PIK3C2G: variants seen among roughly 807,000 people sequenced by gnomAD.
PIK3C2G encodes phosphatidylinositol-4-phosphate 3-kinase catalytic subunit type 2 gamma.
Under a neutral mutation model 181.1 loss-of-function variants are expected in PIK3C2G, and 168 were observed. The observed-to-expected ratio is 0.93, with a 90% confidence interval of 0.82 to 1.05. The LOEUF is 1.05. Among genes scored for constraint, PIK3C2G ranks in the 50% least tolerant of loss-of-function variants. PIK3C2G has a pLI of 0.00. For synonymous variants in PIK3C2G, 573 were observed against 592.2 expected, an observed-to-expected ratio of 0.97 and a Z score of 0.47; for missense variants, 1,869 against 1,732.8, an observed-to-expected ratio of 1.08 and a Z score of -1.40.
intron 18 of PIK3C2G, among the ~76,000 whole-genome samples, chr12:18,477,904 C>T (rs370939340): frequency 7.2e-5 from 11 of 152,010 alleles, no homozygotes; most frequent in East Asian, 3.9e-4. Flanking sequence ...TTGTTCACTG[C>T]GCAATATGAT....
chr12:18,349,359 A>T (rs145779169), intron 11 of PIK3C2G, among the ~76,000 whole-genome samples: 11 of 152,262 alleles, frequency 7.2e-5, no homozygotes, highest in African/African-American at 2.4e-4. Flanking sequence ...GCTTTAGTCA[A>T]AAGGACCATA....
chr12:18,415,974 G>T (rs574930486), intron 16 of PIK3C2G, among the ~76,000 whole-genome samples: 2 of 152,178 alleles, frequency 1.3e-5, no homozygotes, highest in South Asian at 4.1e-4. Flanking sequence ...CCGGGCGGGC[G>T]CAGTGGCTTA....
At chr12:18,335,858 G>A (rs775403123) in intron 8 of PIK3C2G, among the ~76,000 whole-genome samples, 15 of 152,068 alleles carry the variant, frequency 9.9e-5, no homozygotes, top group African/African-American at 1.9e-4. Context: ...GATCACATAA[G>A]AAGTACTGCA....
chr12:18,337,120 T>C (rs911765532), intron 8 of PIK3C2G, among the ~76,000 whole-genome samples: 1 of 152,110 alleles, frequency 6.6e-6, no homozygotes, highest in Non-Finnish European at 1.5e-5. Context: ...CTGATGTTTT[T>C]TGAAAAACCA....
intron 18 of PIK3C2G, among the ~76,000 whole-genome samples, chr12:18,441,405 T>C (rs1207203161): frequency 6.6e-6 from 1 of 152,144 alleles, no homozygotes; most frequent in Non-Finnish European, 1.5e-5. Context: ...GCTTCTTTGC[T>C]TTTACAATAG....
the PIK3C2G span, among the ~76,000 whole-genome samples, chr12:18,660,330 T>C: frequency 1.3e-5 from 2 of 152,138 alleles, no homozygotes; most frequent in Non-Finnish European, 2.9e-5. Context: ...ATCTGATTGA[T>C]GCTCTGATCA....
chr12:18,378,876 G>A (rs1280812349), intron 13 of PIK3C2G, among the ~76,000 whole-genome samples: 2 of 152,178 alleles, frequency 1.3e-5, no homozygotes, highest in Admixed American at 6.5e-5. Context: ...AGGTGCTGGA[G>A]AGGAAGTGGA....
At chr12:18,341,993 G>A (rs755403767) in intron 9 of PIK3C2G, among the ~76,000 whole-genome samples, 87 of 152,138 alleles carry the variant, frequency 5.7e-4, no homozygotes, top group Non-Finnish European at 9.1e-4. Context: ...GAAACAATTT[G>A]CATCCTTCAA....
At chr12:18,645,811 T>C (rs568365951) in intron 32 of PIK3C2G, among the ~76,000 whole-genome samples, 1 of 152,176 alleles carries the variant, frequency 6.6e-6, no homozygotes. Context: ...TATTGATATG[T>C]TTTTTAAAAA....
chr12:18,663,605 C>T, the PIK3C2G span, among the ~76,000 whole-genome samples: 1 of 151,710 alleles, frequency 6.6e-6, no homozygotes, highest in African/African-American at 2.4e-5. Context: ...TAAAATATAT[C>T]CAGTACCTAA....
the PIK3C2G span, among the ~76,000 whole-genome samples, chr12:18,661,528 G>A: frequency 6.6e-6 from 1 of 151,986 alleles, no homozygotes; most frequent in African/African-American, 2.4e-5. Flanking sequence ...ATAAATAAGG[G>A]ATAAACAAGA....
chr12:18,544,425 A>T (rs1198056260), intron 25 of PIK3C2G, among the ~76,000 whole-genome samples: 1 of 151,868 alleles, frequency 6.6e-6, no homozygotes, highest in African/African-American at 2.4e-5. Flanking sequence ...ATGTAATTAA[A>T]GAGATAAGGA....
chr12:18,552,845 T>G (rs999760069), intron 26 of PIK3C2G, among the ~76,000 whole-genome samples: 4 of 152,132 alleles, frequency 2.6e-5, no homozygotes, highest in African/African-American at 9.7e-5. Flanking sequence ...TGAATTAAAC[T>G]GAGAATTTGC....
At chr12:18,246,257 C>A (rs1391898511), upstream of PIK3C2G, among the ~76,000 whole-genome samples, 1 of 152,052 alleles carries the variant, frequency 6.6e-6, no homozygotes, top group Non-Finnish European at 1.5e-5. Context: ...CCCAATGAAG[C>A]ATAGCTGGTT....
intron 1 of PIK3C2G, among the ~76,000 whole-genome samples, chr12:18,274,866 T>G (rs563662432): frequency 6.6e-6 from 1 of 152,268 alleles, no homozygotes; most frequent in East Asian, 1.9e-4. Context: ...TTGAACTACG[T>G]ATATGTTGTC....
At chr12:18,719,181 C>A in the PIK3C2G span, among the ~76,000 whole-genome samples, 1 of 152,060 alleles carries the variant, frequency 6.6e-6, no homozygotes, top group South Asian at 2.1e-4. Context: ...GGGCCATAAC[C>A]ATGGAGAGGA....
At chr12:18,332,764 G>A (rs1470003996) in intron 8 of PIK3C2G, among the ~76,000 whole-genome samples, 1 of 152,054 alleles carries the variant, frequency 6.6e-6, no homozygotes, top group Non-Finnish European at 1.5e-5. Flanking sequence ...GCTCCTCCTC[G>A]TGCAGCTTAG....
chr12:18,300,029 G>A (rs1000176977), intron 5 of PIK3C2G, among the ~76,000 whole-genome samples: 1 of 151,904 alleles, frequency 6.6e-6, no homozygotes, highest in African/African-American at 2.4e-5. Flanking sequence ...TAGTATCAGG[G>A]TAATGCTGGT....
chr12:18,298,280 T>C (rs2137262035), intron 5 of PIK3C2G, among the ~76,000 whole-genome samples: 1 of 152,024 alleles, frequency 6.6e-6, no homozygotes, highest in South Asian at 2.1e-4. Context: ...TGATGACTAG[T>C]GATTTGAACA....
Sources: gnomAD v4.1 joint callset for allele counts (sites outside exome capture counted in the v4.1 genomes callset) on GRCh38, gnomAD v4.1.1 for gene constraint, MANE v1.5 for transcripts, NCBI Gene and HGNC (gene_info 2026-07-23, HGNC 2026-07-21) for gene names.